PKD2L2: variants seen among roughly 807,000 people sequenced by gnomAD.
PKD2L2 encodes polycystin 2 like 2, transient receptor potential cation channel.
A neutral mutation model predicts 83.9 loss-of-function variants in PKD2L2; 67 were observed. The ratio of observed to expected loss-of-function variants is 0.80; its 90% CI spans 0.66 to 0.98. The LOEUF (loss-of-function observed/expected upper bound fraction) is 0.98, where lower values mean the gene tolerates loss of function less well. Among genes scored for constraint, PKD2L2 ranks in the 50% least tolerant of loss-of-function variants. The pLI is 0.00. For missense variants in PKD2L2, 632 were observed against 717.2 expected, an observed-to-expected ratio of 0.88 and a Z score of 1.36; for synonymous variants, 223 against 237.8, an observed-to-expected ratio of 0.94 and a Z score of 0.57.
chr5:137,942,121 G>T, intron 14 of PKD2L2: 1 of 1,276,086 alleles, frequency 7.8e-7, no homozygotes, highest in Non-Finnish European at 1.1e-6. Context: ...ATTTCTGGCT[G>T]CAAATTAAAA....
intron 5 of PKD2L2, among the ~76,000 whole-genome samples, chr5:137,905,067 A>G (rs931983495): frequency 1.3e-5 from 2 of 152,216 alleles, no homozygotes; most frequent in Non-Finnish European, 2.9e-5. Flanking sequence ...AATTATTTTT[A>G]TGTTCTAAAC....
intron 8 of PKD2L2, among the ~76,000 whole-genome samples, chr5:137,909,351 ATC>A (rs1757618906): frequency 6.6e-6 from 1 of 152,004 alleles, no homozygotes; most frequent in African/African-American, 2.4e-5. Flanking sequence ...ATGGCTAAAT[ATC>A]TGTCACATTC....
chr5:137,932,554 G>A (rs140684900), intron 12 of PKD2L2, among the ~76,000 whole-genome samples: 6 of 152,216 alleles, frequency 3.9e-5, no homozygotes, highest in South Asian at 2.1e-4. Context: ...ACTGCAGGAA[G>A]AGGTTACCAC....
intron 8 of PKD2L2, among the ~76,000 whole-genome samples, chr5:137,915,767 CTTAAA>C (rs1758273696): frequency 1.3e-5 from 2 of 152,134 alleles, no homozygotes; most frequent in Admixed American, 1.3e-4. Flanking sequence ...GCATTAGTCT[CTTAAA>C]TTATGTAGAA....
chr5:137,892,958 C>T (rs540786421), intron 3 of PKD2L2, among the ~76,000 whole-genome samples: 140 of 152,186 alleles, frequency 9.2e-4, no homozygotes, highest in Admixed American at 1.2e-3. Context: ...AAAATACAAA[C>T]ATTAGCCAGG....
chr5:137,894,693 C>A, intron 4 of PKD2L2, 84 bp downstream of exon 4: 2 of 1,054,114 alleles, frequency 1.9e-6, no homozygotes, highest in Non-Finnish European at 2.8e-6. Flanking sequence ...GTAACACCAG[C>A]TGGGTCCTGG....
At chr5:137,940,973 TC>T in intron 14 of PKD2L2, among the ~76,000 whole-genome samples, 1 of 152,196 alleles carries the variant, frequency 6.6e-6, no homozygotes, top group Non-Finnish European at 1.5e-5. Flanking sequence ...TGGCGACATC[TC>T]AGCTCGCTGC....
chr5:137,890,248 A>G, intron 1 of PKD2L2: 1 of 338,786 alleles, frequency 3.0e-6, no homozygotes, highest in Non-Finnish European at 5.3e-6. Context: ...GCGTCACTGA[A>G]CTCCAGCCTG....
At chr5:137,942,208 C>A (rs1762064327) in intron 14 of PKD2L2, among the ~76,000 whole-genome samples, 176 bp from the exon 15 acceptor site, 1 of 152,210 alleles carries the variant, frequency 6.6e-6, no homozygotes, top group South Asian at 2.1e-4. Context: ...CTGAAGGACT[C>A]AAGCATCAGT....
intron 8 of PKD2L2, among the ~76,000 whole-genome samples, chr5:137,910,755 G>C (rs1757764565): frequency 2.0e-5 from 3 of 150,614 alleles, no homozygotes; most frequent in Middle Eastern, 6.8e-3. Flanking sequence ...CTCCAGCCTG[G>C]GCGACAGAAT....
intron 14 of PKD2L2, chr5:137,940,469 TAA>T (rs3214311): frequency 0.019 from 9,912 of 511,546 alleles, no homozygotes; most frequent in South Asian, 0.028. Context: ...GTTGTTCTGT[TAA>T]AAAAAAAAAA....
chr5:137,910,281 G>A (rs545426545), intron 8 of PKD2L2, among the ~76,000 whole-genome samples: 196 of 145,462 alleles, frequency 1.3e-3, no homozygotes, highest in Non-Finnish European at 2.6e-3. Flanking sequence ...AATAAAACTT[G>A]GTAATAATTG....
At chr5:137,940,126 G>A in intron 14 of PKD2L2, 1 of 1,614,084 alleles carries the variant, frequency 6.2e-7, no homozygotes, top group Non-Finnish European at 8.5e-7. Flanking sequence ...GATTCTCTGA[G>A]TGCCTGACAA....
At chr5:137,907,987 G>A in intron 7 of PKD2L2, 75 bp downstream of exon 7, 1 of 690,256 alleles carries the variant, frequency 1.4e-6, no homozygotes, top group Non-Finnish European at 2.2e-6. Flanking sequence ...AAAAGCCATG[G>A]GGAAAAAAGA....
intron 8 of PKD2L2, among the ~76,000 whole-genome samples, chr5:137,913,657 A>T (rs912066209): frequency 1.3e-5 from 2 of 151,296 alleles, no homozygotes; most frequent in Non-Finnish European, 3.0e-5. Flanking sequence ...CACCCAGCTA[A>T]TTTTTGTATT....
chr5:137,924,964 T>A (rs1759252243), intron 10 of PKD2L2, 76 bp from the exon 11 acceptor site: 4 of 882,176 alleles, frequency 4.5e-6, no homozygotes, highest in Non-Finnish European at 7.5e-6. Context: ...ATTCCATATT[T>A]ATTTTACTTT....
intron 14 of PKD2L2, chr5:137,942,106 G>T (rs1762025277): frequency 1.4e-6 from 2 of 1,392,170 alleles, no homozygotes; most frequent in African/African-American, 1.4e-5. Context: ...CTTAAGAGAG[G>T]TTCTATTTCT....
chr5:137,895,442 A>G (rs1313106772), intron 4 of PKD2L2, among the ~76,000 whole-genome samples: 2 of 149,322 alleles, frequency 1.3e-5, no homozygotes, highest in Non-Finnish European at 3.0e-5. Context: ...ACTGCACTCC[A>G]GCCTGGGCGA....
intron 8 of PKD2L2, 37 bp from the exon 9 acceptor site, chr5:137,921,599 A>G (rs4304074): frequency 1 from 1,329,858 of 1,335,166 alleles, 662,461 homozygotes; most frequent in East Asian, 1. Context: ...GTATGTACAT[A>G]AAGGTATATA....
Sources: allele counts gnomAD v4.1 joint callset (sites outside exome capture counted in the v4.1 genomes callset), GRCh38; gene constraint gnomAD v4.1.1; transcripts MANE v1.5; gene names NCBI Gene and HGNC (gene_info 2026-07-23, HGNC 2026-07-21).